The following DNAAF11 variants were observed in gnomAD, a reference collection of about 807,000 sequenced individuals.
DNAAF11 encodes the protein dynein axonemal assembly factor 11.
In DNAAF11, 45 loss-of-function variants were observed where a neutral mutation model predicts 60.8. That is an observed-to-expected ratio of 0.74 (90% CI 0.58 to 0.95). DNAAF11 has a LOEUF of 0.95. Ranked by LOEUF, DNAAF11 falls within the 40% of genes least tolerant of loss-of-function variation. The pLI is 0.00. For synonymous variants in DNAAF11, 191 were observed against 183.5 expected (o/e 1.04, Z -0.33); for missense variants, 546 against 546.2 (o/e 1.00, Z 0.00).
intron 11 of DNAAF11, among the ~76,000 whole-genome samples, chr8:132,575,983 C>T (rs920738244): frequency 2.6e-5 from 4 of 152,132 alleles, no homozygotes; most frequent in African/African-American, 9.7e-5. Context: ...GCCGGTGCCA[C>T]GACTCTTGGG....
At chr8:132,677,957 C>T (rs1825813267), upstream of DNAAF11, among the ~76,000 whole-genome samples, 1 of 152,170 alleles carries the variant, frequency 6.6e-6, no homozygotes, top group Non-Finnish European at 1.5e-5. Context: ...GTGACTCAAT[C>T]ACCTCCTTAA....
At chr8:132,676,791 G>A (rs567588890), upstream of DNAAF11, among the ~76,000 whole-genome samples, 2 of 152,062 alleles carry the variant, frequency 1.3e-5, no homozygotes, top group Non-Finnish European at 2.9e-5. Context: ...TAGATCGGGG[G>A]TAATGGGGGC....
chr8:132,573,284 GTTCA>G (rs1162011614), intron 11 of DNAAF11, among the ~76,000 whole-genome samples: 4 of 152,104 alleles, frequency 2.6e-5, no homozygotes, highest in Non-Finnish European at 4.4e-5. Flanking sequence ...TCACTGCACC[GTTCA>G]TTCAAATGTT....
chr8:132,598,943 C>T (rs1160921438), intron 10 of DNAAF11, among the ~76,000 whole-genome samples: 1 of 151,970 alleles, frequency 6.6e-6, no homozygotes, highest in Non-Finnish European at 1.5e-5. Flanking sequence ...CTGAAGGAGA[C>T]AGAAACACAA....
chr8:132,655,166 A>T (rs1471993999), intron 3 of DNAAF11, among the ~76,000 whole-genome samples: 5 of 152,082 alleles, frequency 3.3e-5, no homozygotes, highest in Non-Finnish European at 7.4e-5. Context: ...TAAGTGAAAT[A>T]GATAAATTCT....
Position 132,587,609 on chromosome 8 carries a change from C to CA in DNAAF11, c.1141-3831dup, listed in dbSNP as rs547864034. On this transcript the variant is annotated intron_variant, in intron 10 of 11. Transcript: ENST00000620350. Reference sequence around the variant, plus strand: ...CATTAATATCAAACATCGTCTTATTCATTTGTGCTAAATGTGTTTAGGAAT... The same window carrying CA: ...CATTAATATCAAACATCGTCTTATTCAATTTGTGCTAAATGTGTTTAGGAAT... Among the ~76,000 whole-genome samples the CA allele has an allele frequency of 2.0e-3, 312 of 152,204 alleles. 1 individual carries two copies. The highest frequency in any genetic ancestry group is 6.9e-3 in the African/African-American group (287 of 41,536).
intron 11 of DNAAF11, among the ~76,000 whole-genome samples, chr8:132,581,169 T>C (rs1815287795): frequency 1.3e-5 from 2 of 152,310 alleles, no homozygotes; most frequent in South Asian, 4.1e-4. Context: ...CCTCAAATTA[T>C]ACCTAAATGT....
intron 7 of DNAAF11, among the ~76,000 whole-genome samples, chr8:132,616,128 T>C (rs1232998332): frequency 6.6e-6 from 1 of 152,108 alleles, no homozygotes; most frequent in Non-Finnish European, 1.5e-5. Flanking sequence ...GATTGCTATT[T>C]AGTTGCTATC....
At chr8:132,673,993 CGAAGAA>C (rs961525841) in intron 1 of DNAAF11, among the ~76,000 whole-genome samples, 5 of 149,608 alleles carry the variant, frequency 3.3e-5, no homozygotes, top group East Asian at 2.0e-4. Context: ...CATAAAAAAG[CGAAGAA>C]GAAGGAGAAG....
intron 11 of DNAAF11, among the ~76,000 whole-genome samples, chr8:132,581,599 G>A (rs898915049): frequency 5.4e-5 from 8 of 147,356 alleles, no homozygotes; most frequent in African/African-American, 1.5e-4. Flanking sequence ...GCAGTGACCC[G>A]AGATCCTGCC....
intron 3 of DNAAF11, among the ~76,000 whole-genome samples, chr8:132,638,313 T>A (rs889190877): frequency 2.0e-5 from 3 of 152,206 alleles, no homozygotes. Context: ...TCTCTCCTTA[T>A]TTTCACCGTC....
intron 7 of DNAAF11, among the ~76,000 whole-genome samples, chr8:132,618,843 G>A (rs1175058546): frequency 1.3e-5 from 2 of 152,220 alleles, no homozygotes; most frequent in Middle Eastern, 3.4e-3. Context: ...CTTTTACACT[G>A]TTGGTGGGAC....
chr8:132,658,588 TG>T, intron 2 of DNAAF11, among the ~76,000 whole-genome samples: 1 of 152,328 alleles, frequency 6.6e-6, no homozygotes, highest in South Asian at 2.1e-4. Flanking sequence ...CCCAAAGTGT[TG>T]GGATTACAGG....
rs1281869659 is a variant in DNAAF11 at position 132,664,079 on chromosome 8, G to A, written c.11-2452C>T. On this transcript the variant is annotated intron_variant, in intron 1 of 11. Coordinates refer to ENST00000620350, the MANE Select transcript of DNAAF11 (RefSeq NM_012472.6). ...TTGTTAGGAAAGTATACTTGTCAAGGTAAGAAGACATATTTTATTTAGCAG... is the reference window on the plus strand; with the variant it reads ...TTGTTAGGAAAGTATACTTGTCAAGATAAGAAGACATATTTTATTTAGCAG... Among the ~76,000 whole-genome samples the A allele has an allele frequency of 2.0e-5, 3 of 152,222 alleles. No individual in the cohort carries two copies. In the East Asian group the frequency reaches 5.8e-4, roughly 29 times the overall value.
chr8:132,655,871 T>C (rs1823507770), intron 3 of DNAAF11, among the ~76,000 whole-genome samples: 1 of 152,226 alleles, frequency 6.6e-6, no homozygotes, highest in African/African-American at 2.4e-5. Flanking sequence ...TTAGTGAAGT[T>C]GTGTAGAAAT....
In DNAAF11 at chr8:132,639,395, G is replaced by T. The variant is rs113576698; in HGVS notation, c.257-1288C>A. ...CAGGTCCACCTTGTTCTGCATTTAT[G>T]TCTTCAAAGTTCTACACACCCTTCC... On this transcript the variant is annotated intron_variant, in intron 3 of 11. Transcript: ENST00000620350. Among the ~76,000 whole-genome samples, 523 of 152,230 alleles carry T rather than the reference G, an allele frequency of 3.4e-3. 3 individuals are homozygous for T. The highest frequency in any genetic ancestry group is 0.012 in the African/African-American group (493 of 41,550).
the DNAAF11 span, among the ~76,000 whole-genome samples, chr8:132,689,938 A>G: frequency 6.6e-6 from 1 of 152,066 alleles, no homozygotes; most frequent in African/African-American, 2.4e-5. Context: ...CTGTTTTCAA[A>G]TTCCTGGCCT....
intron 3 of DNAAF11, chr8:132,643,388 T>C: frequency 3.4e-6 from 1 of 298,506 alleles, no homozygotes. Context: ...CTGGAATTCA[T>C]GACACAGGTG....
chr8:132,572,310 A>G lies in DNAAF11; in HGVS notation c.1397T>C (p.Ile466Thr), dbSNP rs9297853. Residue 466 changes from isoleucine to threonine, a missense_variant, in exon 12 of 12, where the codon ATT becomes ACT. Coordinates refer to ENST00000620350, the MANE Select transcript of DNAAF11 (RefSeq NM_012472.6). ...FEDNPEVPPL[I>T] ...ATGGCAACGCAGCCAGATGTTTCAAATCAGCGGAGGCACTTCAGGGTTGTC... is the reference window on the plus strand; with the variant it reads ...ATGGCAACGCAGCCAGATGTTTCAAGTCAGCGGAGGCACTTCAGGGTTGTC... The G allele has an allele frequency of 0.1, 161,845 of 1,611,468 alleles. 10,570 individuals carry two copies. Among genetic ancestry groups the G allele is most frequent in the African/African-American group, 0.32 (24,097 of 74,690 alleles).
Sources: gnomAD v4.1 joint callset for allele counts (sites outside exome capture counted in the v4.1 genomes callset) on GRCh38, gnomAD v4.1.1 for gene constraint, MANE v1.5 for transcripts, NCBI Gene and HGNC (gene_info 2026-07-23, HGNC 2026-07-21) for gene names.